The following CDC73 variants were observed in gnomAD, a reference collection of about 807,000 sequenced individuals.
The protein encoded by CDC73 is parafibromin.
In CDC73, 21 loss-of-function variants were observed where a neutral mutation model predicts 83.7. That is an observed-to-expected ratio of 0.25 (90% CI 0.18 to 0.36). The LOEUF (loss-of-function observed/expected upper bound fraction) is 0.36. Among genes scored for constraint, CDC73 ranks in the 10% least tolerant of loss-of-function variants. The probability of loss-of-function intolerance (pLI) is 1.00; values close to 1 mark genes in which losing one functional copy is unlikely to be tolerated. For missense variants in CDC73, 342 were observed against 653.3 expected (o/e 0.52, Z 5.19); for synonymous variants, 224 against 212.9 (o/e 1.05, Z -0.45).
At chr1:193,176,604 G>A (rs1407617546) in intron 10 of CDC73, among the ~76,000 whole-genome samples, 2 of 152,138 alleles carry the variant, frequency 1.3e-5, no homozygotes, top group Non-Finnish European at 2.9e-5. Context: ...TGGGATTAAT[G>A]TCTAAATGAT....
intron 15 of CDC73, among the ~76,000 whole-genome samples, chr1:193,249,016 C>T (rs992658961): frequency 6.6e-6 from 1 of 152,052 alleles, no homozygotes; most frequent in African/African-American, 2.4e-5. Flanking sequence ...GGAAGTTCTT[C>T]TGTAAGTAAA....
intron 6 of CDC73, among the ~76,000 whole-genome samples, chr1:193,138,568 C>A (rs1160802878): frequency 2.0e-5 from 3 of 151,482 alleles, no homozygotes; most frequent in Non-Finnish European, 3.0e-5. Context: ...GGGAAAGCAG[C>A]CATAGACAAT....
At chr1:193,227,021 C>T (rs1242658774) in intron 13 of CDC73, among the ~76,000 whole-genome samples, 2 of 151,832 alleles carry the variant, frequency 1.3e-5, no homozygotes, top group Non-Finnish European at 2.9e-5. Context: ...TTAGGGTATC[C>T]AGTTCTTCCT....
chr1:193,199,110 G>A (rs551920856), intron 10 of CDC73, among the ~76,000 whole-genome samples: 5 of 152,210 alleles, frequency 3.3e-5, no homozygotes, highest in African/African-American at 9.6e-5. Flanking sequence ...GCAACATATC[G>A]TATACATATA....
At chr1:193,212,529 A>G in intron 13 of CDC73, 52 bp downstream of exon 13, 1 of 1,167,808 alleles carries the variant, frequency 8.6e-7, no homozygotes, top group Non-Finnish European at 1.3e-6. Flanking sequence ...ATACCATTGG[A>G]AAATAGTAGT....
intron 10 of CDC73, among the ~76,000 whole-genome samples, chr1:193,182,326 C>G (rs905377431): frequency 1.3e-5 from 2 of 152,054 alleles, no homozygotes; most frequent in African/African-American, 4.8e-5. Flanking sequence ...TTAACACTTT[C>G]AAAAATTTTA....
At chr1:193,194,934 G>C (rs12129126) in intron 10 of CDC73, among the ~76,000 whole-genome samples, 1 of 151,930 alleles carries the variant, frequency 6.6e-6, no homozygotes, top group Non-Finnish European at 1.5e-5. Context: ...ATATGTGTAT[G>C]TACATATACA....
intron 10 of CDC73, among the ~76,000 whole-genome samples, chr1:193,202,098 T>C (rs1199456514): frequency 1.3e-5 from 2 of 152,176 alleles, no homozygotes; most frequent in Non-Finnish European, 2.9e-5. Flanking sequence ...AATAGGTAAG[T>C]AATATGATTA....
chr1:193,188,858 C>T (rs949292626), intron 10 of CDC73, among the ~76,000 whole-genome samples: 1 of 152,006 alleles, frequency 6.6e-6, no homozygotes, highest in Non-Finnish European at 1.5e-5. Flanking sequence ...CAGCAAGAAA[C>T]TTCCAAATAT....
chr1:193,149,675 T>C (rs1457266703), intron 8 of CDC73, among the ~76,000 whole-genome samples: 2 of 152,180 alleles, frequency 1.3e-5, no homozygotes, highest in Non-Finnish European at 2.9e-5. Flanking sequence ...ATATTTGATA[T>C]AGAATCCTAT....
At chr1:193,249,636 G>C (rs1426020487) in intron 15 of CDC73, 94 bp from the exon 16 acceptor site, 6 of 921,412 alleles carry the variant, frequency 6.5e-6, no homozygotes, top group African/African-American at 1.7e-5. Flanking sequence ...GATCACTTTA[G>C]TTATAATACG....
At chr1:193,201,178 A>G (rs1416388930) in intron 10 of CDC73, among the ~76,000 whole-genome samples, 3 of 152,166 alleles carry the variant, frequency 2.0e-5, no homozygotes, top group Non-Finnish European at 4.4e-5. Flanking sequence ...TTGAGAAGAC[A>G]AAATTAGGTA....
At chr1:193,126,293 A>T (rs1675572000) in intron 2 of CDC73, among the ~76,000 whole-genome samples, 1 of 152,190 alleles carries the variant, frequency 6.6e-6, no homozygotes, top group Non-Finnish European at 1.5e-5. Context: ...AGTACTCTGG[A>T]GAAGTTCATT....
chr1:193,192,540 G>A (rs2182106), intron 10 of CDC73, among the ~76,000 whole-genome samples: 110,208 of 152,100 alleles, frequency 0.72, 40,203 homozygotes, highest in South Asian at 0.82. Flanking sequence ...CATTGAACAT[G>A]CTTGATTCAT....
chr1:193,223,105 T>G (rs535417969), intron 13 of CDC73, among the ~76,000 whole-genome samples: 1 of 152,272 alleles, frequency 6.6e-6, no homozygotes, highest in East Asian at 1.9e-4. Flanking sequence ...TTTGCAAGCT[T>G]GTTTTATTTT....
intron 9 of CDC73, among the ~76,000 whole-genome samples, chr1:193,150,618 A>G (rs1676088019): frequency 6.6e-6 from 1 of 152,184 alleles, no homozygotes; most frequent in Non-Finnish European, 1.5e-5. Flanking sequence ...TTCAGTAGAG[A>G]CTGTGTAGCC....
intron 10 of CDC73, among the ~76,000 whole-genome samples, chr1:193,184,409 G>T (rs1289418271): frequency 6.6e-6 from 1 of 151,910 alleles, no homozygotes; most frequent in Non-Finnish European, 1.5e-5. Context: ...AAGTTCAGTA[G>T]TATGCAAAAT....
chr1:193,207,445 C>G (rs958925520), intron 11 of CDC73, among the ~76,000 whole-genome samples: 1 of 152,142 alleles, frequency 6.6e-6, no homozygotes, highest in African/African-American at 2.4e-5. Flanking sequence ...CTTGAGGGTA[C>G]TGCAGGAGTC....
rs148801348 is a variant in CDC73, at chr1:193,164,732, A to G, written c.972+12288A>G. On this transcript the variant is annotated intron_variant, in intron 10 of 16. Transcript: ENST00000367435. Reference sequence around the variant, plus strand: ...GTTTTGATTTGCCATTGTGATTTCTATTCCTTGTTGTGTCTGACTAATCCC... The same window carrying G: ...GTTTTGATTTGCCATTGTGATTTCTGTTCCTTGTTGTGTCTGACTAATCCC... Among the ~76,000 whole-genome samples the G allele has an allele frequency of 1.2e-3, 184 of 152,154 alleles. 2 individuals are homozygous for G. Among genetic ancestry groups the G allele is most frequent in the African/African-American group, 4.1e-3 (169 of 41,510 alleles).
Sources: allele counts gnomAD v4.1 joint callset (sites outside exome capture counted in the v4.1 genomes callset), GRCh38; gene constraint gnomAD v4.1.1; transcripts MANE v1.5; gene names NCBI Gene and HGNC (gene_info 2026-07-23, HGNC 2026-07-21).